The following NRXN1 variants were observed in gnomAD, a reference collection of about 807,000 sequenced individuals.
NRXN1 encodes the protein neurexin-1.
A neutral mutation model predicts 150.9 loss-of-function variants in NRXN1; 39 were observed. The ratio of observed to expected loss-of-function variants is 0.26; its 90% CI spans 0.20 to 0.34. NRXN1 has a LOEUF of 0.34. Among genes scored for constraint, NRXN1 ranks in the 10% least tolerant of loss-of-function variants. NRXN1 has a pLI of 1.00. For missense variants in NRXN1, 1,815 were observed against 1,949.9 expected (o/e 0.93, Z 1.30); for synonymous variants, 924 against 757.0 (o/e 1.22, Z -3.62).
chr2:50,714,170 TAAATC>T (rs1398706315), intron 5 of NRXN1, among the ~76,000 whole-genome samples: 2 of 152,194 alleles, frequency 1.3e-5, no homozygotes, highest in African/African-American at 4.8e-5. Flanking sequence ...TCCCAGTAGC[TAAATC>T]AACTTTAGTC....
intron 17 of NRXN1, among the ~76,000 whole-genome samples, chr2:50,323,571 C>CTATA (rs149609146): frequency 0.026 from 3,795 of 144,322 alleles, 73 homozygotes; most frequent in Non-Finnish European, 0.037. Context: ...GGGAAATAAA[C>CTATA]TATATATATA....
At chr2:50,713,265 G>A (rs779380342) in intron 5 of NRXN1, among the ~76,000 whole-genome samples, 28 of 150,942 alleles carry the variant, frequency 1.9e-4, no homozygotes, top group Non-Finnish European at 3.4e-4. Context: ...AGTGAGCCGA[G>A]ATAGTACCCC....
chr2:51,000,942 T>C (rs1320062798), intron 2 of NRXN1, among the ~76,000 whole-genome samples: 1 of 151,904 alleles, frequency 6.6e-6, no homozygotes, highest in Non-Finnish European at 1.5e-5. Flanking sequence ...TTTCTGACCC[T>C]TGTCAGACCA....
intron 17 of NRXN1, among the ~76,000 whole-genome samples, chr2:50,436,358 C>A (rs887177932): frequency 3.3e-5 from 5 of 151,886 alleles, no homozygotes; most frequent in Non-Finnish European, 5.9e-5. Context: ...GAAGCTGAGG[C>A]AGAAGAATCC....
chr2:50,677,711 C>G (rs1284403593), intron 5 of NRXN1, among the ~76,000 whole-genome samples: 2 of 152,022 alleles, frequency 1.3e-5, no homozygotes, highest in Admixed American at 6.6e-5. Context: ...TAGGCCATGA[C>G]AATTTTCATT....
At position 50,552,763 on chromosome 2, in the gene NRXN1, T is replaced by G. The variant is rs1393615986; in HGVS notation, c.1583A>C (p.Lys528Thr). Residue 528 changes from lysine (K) to threonine (T), a missense_variant, in exon 9 of 23, where the codon AAA (lysine) becomes ACA (threonine). By Grantham distance (78) the Lys-to-Thr change is moderately conservative. Around this residue, in one of 6 missense-constraint regions of NRXN1, gnomAD observed 638 missense variants for 652.6 expected, o/e 0.98. Transcript: ENST00000401669. Reference sequence around the variant, plus strand: ...TATCATCTGTGGGTGCTTGGCATCTTTCTGATGTCTTGGCTTGCCATGGCT... The same window carrying G: ...TATCATCTGTGGGTGCTTGGCATCTGTCTGATGTCTTGGCTTGCCATGGCT... ...LFSHGKPRHQKDAKHPQMIKV... is the reference protein window; with the variant it reads ...LFSHGKPRHQTDAKHPQMIKV... 6.2e-7 allele frequency: 1 copy of G among 1,613,994 alleles called. No homozygotes were observed. The highest frequency in any genetic ancestry group is 1.7e-5 in the Admixed American group (1 of 60,022).
At chr2:50,423,885 T>C (rs1042342038) in intron 17 of NRXN1, among the ~76,000 whole-genome samples, 1 of 151,994 alleles carries the variant, frequency 6.6e-6, no homozygotes, top group Non-Finnish European at 1.5e-5. Flanking sequence ...AGCAGCTGGG[T>C]AATCGCTGGT....
chr2:50,717,166 G>A (rs1695973436), intron 5 of NRXN1, among the ~76,000 whole-genome samples: 1 of 152,072 alleles, frequency 6.6e-6, no homozygotes, highest in Admixed American at 6.6e-5. Context: ...ATTCAAATTG[G>A]CATGCAATAC....
intron 15 of NRXN1, among the ~76,000 whole-genome samples, chr2:50,484,514 C>T (rs1054190590): frequency 6.6e-6 from 1 of 152,114 alleles, no homozygotes; most frequent in Non-Finnish European, 1.5e-5. Context: ...GCTTTGAGAG[C>T]TGAATGAGCC....
chr2:50,592,812 GC>G (rs1674508214), intron 8 of NRXN1, among the ~76,000 whole-genome samples: 1 of 152,118 alleles, frequency 6.6e-6, no homozygotes, highest in East Asian at 1.9e-4. Context: ...GTTAGCGAAA[GC>G]CTAGAGAAAA....
intron 18 of NRXN1, among the ~76,000 whole-genome samples, chr2:50,123,989 C>G (rs1046187820): frequency 2.0e-5 from 3 of 151,754 alleles, no homozygotes; most frequent in East Asian, 3.9e-4. Flanking sequence ...TATTAAAAGC[C>G]GTGAGAGAGA....
chr2:50,278,147 C>T (rs1315274206), intron 17 of NRXN1, among the ~76,000 whole-genome samples: 2 of 136,942 alleles, frequency 1.5e-5, no homozygotes, highest in East Asian at 4.1e-4. Context: ...TGGCTCACCA[C>T]CTGCCAGGTT....
intron 18 of NRXN1, among the ~76,000 whole-genome samples, chr2:50,119,299 T>C (rs1703514638): frequency 6.6e-6 from 1 of 152,188 alleles, no homozygotes; most frequent in African/African-American, 2.4e-5. Flanking sequence ...TAGAAATTTA[T>C]TCACTTTCTT....
chr2:50,679,181 TG>T (rs1689988617), intron 5 of NRXN1, among the ~76,000 whole-genome samples: 2 of 151,950 alleles, frequency 1.3e-5, no homozygotes, highest in Admixed American at 6.6e-5. Context: ...AGATTAGTAA[TG>T]GGGTAGATAC....
chr2:50,435,919 T>C (rs904736658), intron 17 of NRXN1, among the ~76,000 whole-genome samples: 7 of 152,134 alleles, frequency 4.6e-5, no homozygotes, highest in African/African-American at 1.7e-4. Flanking sequence ...AATTTACCTA[T>C]ATAGGTAACC....
intron 12 of NRXN1, among the ~76,000 whole-genome samples, chr2:50,512,078 T>C (rs1009867881): frequency 4.6e-5 from 7 of 152,052 alleles, no homozygotes; most frequent in African/African-American, 1.4e-4. Flanking sequence ...TATAAAAGCA[T>C]ATTAAAAAAA....
At chr2:50,015,981 T>A (rs758854063) in intron 21 of NRXN1, among the ~76,000 whole-genome samples, 1 of 152,122 alleles carries the variant, frequency 6.6e-6, no homozygotes, top group African/African-American at 2.4e-5. Flanking sequence ...ACGGGCTAAA[T>A]AGATAAATAG....
intron 17 of NRXN1, among the ~76,000 whole-genome samples, chr2:50,363,971 T>A (rs1480402095): frequency 6.6e-6 from 1 of 152,184 alleles, no homozygotes; most frequent in African/African-American, 2.4e-5. Context: ...ACCATCATTC[T>A]TAGCAAACTA....
At chr2:50,466,544 T>A in intron 16 of NRXN1, 1 of 455,668 alleles carries the variant, frequency 2.2e-6, no homozygotes, top group Non-Finnish European at 4.4e-6. Context: ...TAAGCAATAC[T>A]GAAATGGGGC....
Sources: gnomAD v4.1 joint callset for allele counts (sites outside exome capture counted in the v4.1 genomes callset) on GRCh38, gnomAD v4.1.1 for gene constraint, gnomAD v4.1.1 regional missense constraint, MANE v1.5 for transcripts, NCBI Gene and HGNC (gene_info 2026-07-23, HGNC 2026-07-21) for gene names.